DARS2: variants seen among roughly 807,000 people sequenced by gnomAD.
DARS2 encodes the protein aspartyl-tRNA synthetase 2, mitochondrial.
DARS2 carries 63 observed loss-of-function variants against 83.0 expected under a neutral mutation model. That is an observed-to-expected ratio of 0.76 (90% confidence interval 0.62 to 0.94). The LOEUF (loss-of-function observed/expected upper bound fraction) is 0.94. DARS2 is among the 40% of genes least tolerant of loss of function. The pLI, the probability that DARS2 is intolerant of heterozygous loss-of-function variation, is 0.00. For synonymous variants in DARS2, 250 were observed against 269.3 expected (o/e 0.93, Z 0.70); for missense variants, 675 against 774.4 (o/e 0.87, Z 1.52).
chr1:173,845,679 G>T (rs1474033247), intron 12 of DARS2, among the ~76,000 whole-genome samples: 1 of 152,066 alleles, frequency 6.6e-6, no homozygotes, highest in Non-Finnish European at 1.5e-5. Flanking sequence ...AGTGAGCTGA[G>T]ATCGCACCAC....
In DARS2 at chr1:173,850,420, C is replaced by G. The variant is rs1490968913; in HGVS notation, c.1285C>G (p.Leu429Val). 14 of 1,613,790 alleles carry G rather than the reference C, an allele frequency of 8.7e-6. No individual in the cohort carries two copies. In the African/African-American group the frequency reaches 1.6e-4, roughly 18 times the overall value. ...MESQRLELIR[L>V]METQEEDVVL... ...GTCACAAAGACTGGAATTAATCAGA[C>G]TAATGGAGACCCAAGAGGAAGATGT... Residue 429 changes from leucine (L) to valine (V), a missense_variant, in exon 13 of 17, where the codon CTA becomes GTA. Leu to Val is a conservative substitution (Grantham distance 32, BLOSUM62 1). Transcript: ENST00000649689.
intron 7 of DARS2, among the ~76,000 whole-genome samples, chr1:173,835,890 C>T (rs527303190): frequency 6.6e-6 from 1 of 152,114 alleles, no homozygotes; most frequent in South Asian, 2.1e-4. Flanking sequence ...CCCGTCTCTA[C>T]TAAAAATACA....
intron 6 of DARS2, 66 bp from the exon 7 acceptor site, chr1:173,834,407 G>A: frequency 1.7e-6 from 2 of 1,205,586 alleles, no homozygotes; most frequent in Non-Finnish European, 2.5e-6. Flanking sequence ...GTACTATATT[G>A]TGGACATCAT....
intron 7 of DARS2, among the ~76,000 whole-genome samples, chr1:173,834,788 T>G (rs1365202802): frequency 2.9e-5 from 4 of 136,396 alleles, no homozygotes; most frequent in Non-Finnish European, 6.2e-5. Flanking sequence ...TTTTGTTTTT[T>G]TTTTTTTTTT....
intron 12 of DARS2, among the ~76,000 whole-genome samples, chr1:173,849,458 C>A (rs1221897231): frequency 1.3e-5 from 2 of 149,430 alleles, no homozygotes; most frequent in Non-Finnish European, 3.0e-5. Flanking sequence ...TGCTTGAACC[C>A]GAGAGGCAGA....
rs550252604 is a variant in DARS2 at position 173,851,069 on chromosome 1, C to T, written c.1344+590C>T. On this transcript the variant is annotated intron_variant, in intron 13 of 16. Coordinates refer to ENST00000649689, the MANE Select transcript of DARS2 (RefSeq NM_018122.5). ...CCTGTTCAACGTGGTGAAACATCATCTCTACTAAAAATACAAAAATTAGCT... is the reference window on the plus strand; with the variant it reads ...CCTGTTCAACGTGGTGAAACATCATTTCTACTAAAAATACAAAAATTAGCT... Among the ~76,000 whole-genome samples the T allele has an allele frequency of 1.1e-4, 16 of 151,938 alleles. No individual in the cohort carries two copies. The South Asian group carries it at 3.3e-3, about 32-fold the overall frequency.
chr1:173,830,167 T>G (rs993119695), intron 3 of DARS2, among the ~76,000 whole-genome samples: 9 of 152,234 alleles, frequency 5.9e-5, no homozygotes, highest in African/African-American at 2.2e-4. Context: ...TATTGCAATT[T>G]TTACTAACGC....
chr1:173,834,782 G>GTTTTTTTTTTTT (rs558344998), intron 7 of DARS2, among the ~76,000 whole-genome samples: 1 of 26,754 alleles, frequency 3.7e-5, no homozygotes, highest in African/African-American at 1.6e-4. Flanking sequence ...TTTTTTTTTT[G>GTTTTTTTTTTTT]TTTTTTTTTT....
chr1:173,838,353 C>T (rs752779167), intron 9 of DARS2, 94 bp downstream of exon 9: 4 of 878,954 alleles, frequency 4.6e-6, no homozygotes, highest in Middle Eastern at 2.6e-4. Flanking sequence ...CTTTACTTCT[C>T]ATTACATTTT....
Position 173,853,870 on chromosome 1 carries a change from G to C in DARS2, c.1639G>C (p.Glu547Gln), listed in dbSNP as rs1653767998. 6.2e-7 allele frequency: 1 copy of C among 1,614,040 alleles called. No homozygotes were observed. Among genetic ancestry groups the C allele is most frequent in the African/African-American group, 1.3e-5 (1 of 74,936 alleles). ...GGGSIRIHNA[E>Q]LQRYILATLL... Reference sequence around the variant, plus strand: ...TGGTTCAATTCGAATTCACAATGCAGAGCTGCAGCGTTATATCCTGGCAAC... The same window carrying C: ...TGGTTCAATTCGAATTCACAATGCACAGCTGCAGCGTTATATCCTGGCAAC... The change falls in exon 15 of 17, where the codon GAG (glutamate) becomes CAG (glutamine). Residue 547 changes from glutamate (E) to glutamine (Q), a missense_variant. Transcript: ENST00000649689.
chr1:173,826,662 T>C, intron 1 of DARS2, 25 bp from the exon 2 acceptor site: 1 of 1,524,472 alleles, frequency 6.6e-7, no homozygotes, highest in Non-Finnish European at 8.9e-7. Context: ...CCTTTTAAAG[T>C]TTCTTTTTTT....
At chr1:173,838,142 A>G (rs1163352981) in intron 8 of DARS2, 48 bp from the exon 9 acceptor site, 1 of 1,457,068 alleles carries the variant, frequency 6.9e-7, no homozygotes, top group Non-Finnish European at 9.6e-7. Context: ...AAAAGTGTGT[A>G]TGTCTTCCTA....
At chr1:173,856,136 C>G (rs186847178) in intron 15 of DARS2, among the ~76,000 whole-genome samples, 1 of 152,272 alleles carries the variant, frequency 6.6e-6, no homozygotes, top group African/African-American at 2.4e-5. Context: ...TTGAAGCTTC[C>G]CACTTGATCC....
chr1:173,857,888 T>C lies in DARS2; in HGVS notation c.*183T>C. On this transcript the variant is annotated 3_prime_UTR_variant, in exon 17 of 17. Transcript: ENST00000649689. ...AAAAGATACCCAATTTTGACTTGATTTCATGCATCATTTGGATTTTTTTTG... is the reference window on the plus strand; with the variant it reads ...AAAAGATACCCAATTTTGACTTGATCTCATGCATCATTTGGATTTTTTTTG... 1 of 679,940 alleles carries C rather than the reference T, an allele frequency of 1.5e-6. No individual in the cohort carries two copies. The highest frequency in any genetic ancestry group is 2.8e-5 in the East Asian group (1 of 35,942). The allele number at this position is 679,940 out of a possible 1,614,324, so 42.1% of individuals were successfully genotyped here.
chr1:173,826,816 A>C, intron 2 of DARS2, 30 bp downstream of exon 2: 2 of 1,506,362 alleles, frequency 1.3e-6, no homozygotes, highest in Non-Finnish European at 1.8e-6. Flanking sequence ...CTAAGAATGC[A>C]TGGTGGTGGT....
At chr1:173,831,764 G>C (rs1315729609) in intron 5 of DARS2, 134 bp downstream of exon 5, 1 of 705,712 alleles carries the variant, frequency 1.4e-6, no homozygotes, top group African/African-American at 1.8e-5. Context: ...ATCATGAAGT[G>C]TTCTCTTAGT....
At chr1:173,852,185 T>C in intron 13 of DARS2, 1 of 985,406 alleles carries the variant, frequency 1.0e-6, no homozygotes, top group Non-Finnish European at 1.2e-6. Flanking sequence ...GGCTGCAAAA[T>C]AATACCCTAT....
At chr1:173,849,724 C>T (rs1653575121) in intron 12 of DARS2, among the ~76,000 whole-genome samples, 1 of 152,076 alleles carries the variant, frequency 6.6e-6, no homozygotes, top group Non-Finnish European at 1.5e-5. Flanking sequence ...TATGCCAGAC[C>T]TTCCTGCACC....
rs566444353 is a variant in DARS2, at chr1:173,836,000, T to A, written c.664-940T>A. ...TGAACCCAGGAGGCAGAGGTTGTAA[T>A]GAGCCAAGATCACGCCATTGCACTC... On this transcript the variant is annotated intron_variant, in intron 7 of 16. Coordinates refer to ENST00000649689, the MANE Select transcript of DARS2 (RefSeq NM_018122.5). Among the ~76,000 whole-genome samples the A allele has an allele frequency of 2.2e-4, 33 of 151,700 alleles. No homozygotes were observed. In the South Asian group the frequency reaches 6.7e-3, roughly 31 times the overall value.
Sources: allele counts gnomAD v4.1 joint callset (sites outside exome capture counted in the v4.1 genomes callset), GRCh38; gene constraint gnomAD v4.1.1; transcripts MANE v1.5; gene names NCBI Gene and HGNC (gene_info 2026-07-23, HGNC 2026-07-21).